The following LUZP2 variants were observed in gnomAD, a reference collection of about 807,000 sequenced individuals.
The protein encoded by LUZP2 is leucine zipper protein 2.
In LUZP2, 52 loss-of-function variants were observed where a neutral mutation model predicts 51.6. That is an observed-to-expected ratio of 1.01 (90% CI 0.81 to 1.27). LUZP2 has a LOEUF of 1.27. Among genes scored for constraint, LUZP2 ranks in the 50% most tolerant of loss-of-function variants. LUZP2 has a pLI of 0.00. For missense variants in LUZP2, 436 were observed against 395.4 expected (o/e 1.10, Z -0.87); for synonymous variants, 154 against 137.3 (o/e 1.12, Z -0.85).
At chr11:24,900,196 G>A (rs1853231234) in intron 5 of LUZP2, among the ~76,000 whole-genome samples, 1 of 152,130 alleles carries the variant, frequency 6.6e-6, no homozygotes, top group Admixed American at 6.5e-5. Flanking sequence ...GATAATAATT[G>A]TTTAGCTTGG....
At chr11:24,790,754 G>A (rs569536509) in intron 5 of LUZP2, among the ~76,000 whole-genome samples, 4 of 152,098 alleles carry the variant, frequency 2.6e-5, no homozygotes, top group South Asian at 2.1e-4. Context: ...CACCTGCCTC[G>A]GCCTTCCAAA....
At chr11:24,679,628 T>C (rs1178312965) in intron 1 of LUZP2, among the ~76,000 whole-genome samples, 1 of 152,186 alleles carries the variant, frequency 6.6e-6, no homozygotes, top group African/African-American at 2.4e-5. Context: ...ATTTAACTTT[T>C]CCAATATTAT....
chr11:24,997,082 T>A lies in LUZP2; in HGVS notation c.765+13789T>A, dbSNP rs557143982. Among the ~76,000 whole-genome samples, 997 of 150,262 alleles carry A rather than the reference T, an allele frequency of 6.6e-3. 33 individuals carry two copies. The East Asian group carries it at 0.098, about 15-fold the overall frequency. On this transcript the variant is annotated intron_variant, in intron 9 of 11. Transcript: ENST00000336930. ...TGAATAGTGCCACAATAAACATACGTGTGCATGTGTCTTTATAGCAGCATG... is the reference window on the plus strand; with the variant it reads ...TGAATAGTGCCACAATAAACATACGAGTGCATGTGTCTTTATAGCAGCATG...
intron 1 of LUZP2, among the ~76,000 whole-genome samples, chr11:24,626,713 T>G (rs368015897): frequency 3.9e-5 from 6 of 152,304 alleles, no homozygotes; most frequent in African/African-American, 9.6e-5. Context: ...AACATAACAA[T>G]GAAGGCTAAT....
intron 4 of LUZP2, among the ~76,000 whole-genome samples, 157 bp downstream of exon 4, chr11:24,738,459 A>G (rs1293168429): frequency 6.6e-6 from 1 of 152,130 alleles, no homozygotes; most frequent in Non-Finnish European, 1.5e-5. Flanking sequence ...GTACTTGGTC[A>G]GCTTTCATTC....
chr11:24,921,129 G>C (rs901237680), intron 7 of LUZP2, among the ~76,000 whole-genome samples: 1 of 152,088 alleles, frequency 6.6e-6, no homozygotes, highest in East Asian at 1.9e-4. Flanking sequence ...GACACAGGTG[G>C]AGTGGTTTTA....
At chr11:24,824,633 T>C (rs971828980) in intron 5 of LUZP2, among the ~76,000 whole-genome samples, 2 of 151,818 alleles carry the variant, frequency 1.3e-5, no homozygotes, top group Non-Finnish European at 1.5e-5. Flanking sequence ...CTTATAATAT[T>C]AAAAAATTGA....
chr11:24,504,363 G>A (rs534678040), intron 1 of LUZP2, among the ~76,000 whole-genome samples: 137 of 152,168 alleles, frequency 9.0e-4, no homozygotes, highest in Admixed American at 1.7e-3. Flanking sequence ...CTACACTGTC[G>A]TCACAGTTTG....
intron 1 of LUZP2, among the ~76,000 whole-genome samples, chr11:24,543,578 T>C (rs376794625): frequency 2.3e-4 from 35 of 152,152 alleles, no homozygotes; most frequent in African/African-American, 7.9e-4. Flanking sequence ...CCCAGCACTT[T>C]GGGAGGCCAA....
At chr11:24,608,471 G>A (rs764125871) in intron 1 of LUZP2, among the ~76,000 whole-genome samples, 1 of 152,176 alleles carries the variant, frequency 6.6e-6, no homozygotes, top group Non-Finnish European at 1.5e-5. Flanking sequence ...TTCTGGTAAA[G>A]ATATGACAGG....
chr11:24,671,501 A>C (rs1856400720), intron 1 of LUZP2, among the ~76,000 whole-genome samples: 1 of 151,896 alleles, frequency 6.6e-6, no homozygotes, highest in Admixed American at 6.6e-5. Context: ...TAAAGTCTGA[A>C]GGATTTCTCT....
chr11:24,958,580 A>G (rs1363065474), intron 7 of LUZP2, among the ~76,000 whole-genome samples: 14 of 151,450 alleles, frequency 9.2e-5, no homozygotes, highest in Non-Finnish European at 1.3e-4. Context: ...CATGTCCTTC[A>G]CCCACTTTTT....
chr11:24,594,531 TA>T (rs1316816573), intron 1 of LUZP2, among the ~76,000 whole-genome samples: 2 of 152,152 alleles, frequency 1.3e-5, no homozygotes, highest in African/African-American at 4.8e-5. Context: ...TCCCTGTAGA[TA>T]AACAGCCTTT....
At chr11:24,635,414 A>G (rs944354546) in intron 1 of LUZP2, among the ~76,000 whole-genome samples, 1 of 55,742 alleles carries the variant, frequency 1.8e-5, no homozygotes, top group African/African-American at 6.1e-5. Context: ...ACCTCAAATC[A>G]GAAAAGAGTG....
At chr11:24,744,981 G>C (rs2133996844) in intron 4 of LUZP2, among the ~76,000 whole-genome samples, 1 of 152,272 alleles carries the variant, frequency 6.6e-6, no homozygotes, top group Admixed American at 6.5e-5. Flanking sequence ...GCTCATTCAG[G>C]AGCAGGTTAT....
At chr11:24,720,163 C>A (rs2133949258) in intron 1 of LUZP2, among the ~76,000 whole-genome samples, 1 of 152,102 alleles carries the variant, frequency 6.6e-6, no homozygotes, top group Admixed American at 6.5e-5. Context: ...AAAGGATTTG[C>A]AGGCCATATT....
At chr11:24,773,798 T>C (rs1366758668) in intron 5 of LUZP2, among the ~76,000 whole-genome samples, 2 of 152,002 alleles carry the variant, frequency 1.3e-5, no homozygotes, top group Non-Finnish European at 2.9e-5. Flanking sequence ...TTTGGAGGAG[T>C]GCACATGCTT....
chr11:24,936,585 C>A (rs1854594523), intron 7 of LUZP2, among the ~76,000 whole-genome samples: 1 of 151,686 alleles, frequency 6.6e-6, no homozygotes, highest in Non-Finnish European at 1.5e-5. Flanking sequence ...AGAAGCCCCT[C>A]TCATTCCTGA....
chr11:24,881,317 A>G (rs1852460263), intron 5 of LUZP2, among the ~76,000 whole-genome samples: 1 of 111,286 alleles, frequency 9.0e-6, no homozygotes, highest in South Asian at 2.5e-4. Flanking sequence ...GTAATTGCCA[A>G]AAAAAAAAAA....
Sources: gnomAD v4.1 joint callset for allele counts (sites outside exome capture counted in the v4.1 genomes callset) on GRCh38, gnomAD v4.1.1 for gene constraint, MANE v1.5 for transcripts, NCBI Gene and HGNC (gene_info 2026-07-23, HGNC 2026-07-21) for gene names.